AK9: variants seen among roughly 807,000 people sequenced by gnomAD.
AK9 encodes the protein adenylate kinase domain containing 1.
In AK9, 191 loss-of-function variants were observed where a neutral mutation model predicts 239.6. The observed-to-expected ratio is 0.80, with a 90% CI of 0.71 to 0.90. The LOEUF is 0.90. AK9 is among the 40% of genes least tolerant of loss of function. AK9 has a pLI of 0.00. For synonymous variants in AK9, 689 were observed against 721.0 expected, an observed-to-expected ratio of 0.96 and a Z score of 0.71; for missense variants, 1,995 against 2,214.7, an observed-to-expected ratio of 0.90 and a Z score of 1.99.
intron 26 of AK9, among the ~76,000 whole-genome samples, chr6:109,542,500 T>G (rs917088407): frequency 6.6e-5 from 10 of 152,226 alleles, no homozygotes; most frequent in Non-Finnish European, 1.3e-4. Flanking sequence ...CAATGATAAG[T>G]GCTCAAGGTG....
At chr6:109,678,318 A>G (rs1772057937) in intron 1 of AK9, among the ~76,000 whole-genome samples, 1 of 152,222 alleles carries the variant, frequency 6.6e-6, no homozygotes, top group Non-Finnish European at 1.5e-5. Flanking sequence ...AGTCAATCCC[A>G]CAGTTTACAT....
At chr6:109,573,299 G>T in intron 21 of AK9, 143 bp downstream of exon 21, 1 of 844,852 alleles carries the variant, frequency 1.2e-6, no homozygotes, top group Non-Finnish European at 1.7e-6. Context: ...TGTGGGATTT[G>T]GACTCAATGG....
chr6:109,530,509 T>C (rs1781085854), intron 28 of AK9, among the ~76,000 whole-genome samples: 1 of 152,172 alleles, frequency 6.6e-6, no homozygotes, highest in African/African-American at 2.4e-5. Flanking sequence ...GAAAACATAG[T>C]CTCTTTTGTG....
intron 27 of AK9, among the ~76,000 whole-genome samples, chr6:109,539,534 T>C (rs1782552708): frequency 6.6e-6 from 1 of 152,234 alleles, no homozygotes. Flanking sequence ...TCAGCTTCTT[T>C]GCTATGGGTT....
intron 6 of AK9, chr6:109,660,979 T>A (rs1386018330): frequency 2.0e-6 from 1 of 505,446 alleles, no homozygotes; most frequent in Non-Finnish European, 3.9e-6. Flanking sequence ...CATAGATTTT[T>A]GCATCAGAAA....
chr6:109,622,113 TTA>T (rs1562507208), intron 12 of AK9, among the ~76,000 whole-genome samples: 3 of 146,812 alleles, frequency 2.0e-5, no homozygotes, highest in Admixed American at 6.9e-5. Flanking sequence ...ATTTTATACA[TTA>T]TATATAATAC....
intron 8 of AK9, among the ~76,000 whole-genome samples, chr6:109,646,083 T>A (rs967160394): frequency 6.6e-6 from 1 of 152,158 alleles, no homozygotes; most frequent in Non-Finnish European, 1.5e-5. Context: ...AAACCCCATC[T>A]GTAAGTCACC....
chr6:109,594,311 G>T (rs889577147), intron 17 of AK9, among the ~76,000 whole-genome samples: 5 of 152,134 alleles, frequency 3.3e-5, no homozygotes, highest in African/African-American at 9.7e-5. Flanking sequence ...ACTTACAAGG[G>T]ATGTGAAGGA....
intron 31 of AK9, among the ~76,000 whole-genome samples, chr6:109,515,188 G>A (rs1399940512): frequency 6.6e-6 from 1 of 152,178 alleles, no homozygotes; most frequent in Non-Finnish European, 1.5e-5. Flanking sequence ...TGACTAATAC[G>A]ATTGGGTTCT....
chr6:109,577,947 T>C lies in AK9; in HGVS notation c.2191+1603A>G, dbSNP rs567171024. 7.3e-5 allele frequency among the ~76,000 whole-genome samples: 11 copies of C among 151,130 alleles called. No homozygotes were observed. In the East Asian group the frequency reaches 2.1e-3, roughly 29 times the overall value. The stretch of plus-strand genomic sequence containing the variant: ...CTTTTCTTCCTTTCTTTCTCTTTTT[T>C]TTTTTCTTTTTAGATAGCCTGTTGC... On this transcript the variant is annotated intron_variant, in intron 20 of 40. Coordinates refer to ENST00000424296, the MANE Select transcript of AK9 (RefSeq NM_001145128.3).
chr6:109,522,634 A>G (rs1779988901), intron 29 of AK9, among the ~76,000 whole-genome samples: 1 of 151,990 alleles, frequency 6.6e-6, no homozygotes, highest in South Asian at 2.1e-4. Context: ...TTTCTGAGAG[A>G]AAGTGAAATT....
chr6:109,564,317 T>G (rs752528984), intron 22 of AK9, 37 bp from the exon 23 acceptor site: 39 of 1,478,492 alleles, frequency 2.6e-5, no homozygotes, highest in Non-Finnish European at 3.5e-5. Flanking sequence ...AAAAAGGGGC[T>G]TTAAATATCC....
intron 29 of AK9, among the ~76,000 whole-genome samples, chr6:109,523,620 T>C (rs1582829905): frequency 6.6e-6 from 1 of 152,110 alleles, no homozygotes; most frequent in Non-Finnish European, 1.5e-5. Flanking sequence ...GGTGGTTTGG[T>C]GTGACTAAAA....
intron 19 of AK9, among the ~76,000 whole-genome samples, chr6:109,580,886 C>A (rs1049332420): frequency 6.7e-6 from 1 of 149,006 alleles, no homozygotes; most frequent in East Asian, 2.0e-4. Flanking sequence ...TGCTTCATTG[C>A]GCTTTACAGA....
At chr6:109,555,314 T>G (rs1277101147) in intron 24 of AK9, among the ~76,000 whole-genome samples, 1 of 152,202 alleles carries the variant, frequency 6.6e-6, no homozygotes, top group African/African-American at 2.4e-5. Flanking sequence ...CATGAAATTG[T>G]GTGATTTTGA....
intron 39 of AK9, 124 bp from the exon 40 acceptor site, chr6:109,494,219 G>T: frequency 1.7e-6 from 1 of 583,162 alleles, no homozygotes; most frequent in Non-Finnish European, 3.1e-6. Context: ...TGGGGATGGG[G>T]CTTATAAATA....
intron 13 of AK9, among the ~76,000 whole-genome samples, chr6:109,615,597 A>G (rs1399632894): frequency 6.6e-6 from 1 of 152,074 alleles, no homozygotes; most frequent in African/African-American, 2.4e-5. Context: ...ATGGCATGCA[A>G]TTTCAGTGCT....
chr6:109,533,147 G>T, intron 28 of AK9, 104 bp downstream of exon 28: 1 of 783,430 alleles, frequency 1.3e-6, no homozygotes, highest in Non-Finnish European at 1.9e-6. Context: ...GCTTACTGTG[G>T]TATTAAAATT....
intron 12 of AK9, among the ~76,000 whole-genome samples, chr6:109,621,964 A>C (rs1207440435): frequency 6.9e-4 from 98 of 142,810 alleles, no homozygotes; most frequent in African/African-American, 1.8e-3. Context: ...AAAAAAAAAA[A>C]CAAAAAAAAC....
Sources: gnomAD v4.1 joint callset for allele counts (sites outside exome capture counted in the v4.1 genomes callset) on GRCh38, gnomAD v4.1.1 for gene constraint, MANE v1.5 for transcripts, NCBI Gene and HGNC (gene_info 2026-07-23, HGNC 2026-07-21) for gene names.